ATP7B: variants seen among roughly 807,000 people sequenced by gnomAD.
The protein encoded by ATP7B is copper-transporting ATPase 2.
ATP7B carries 113 observed loss-of-function variants against 118.9 expected under a neutral mutation model. The ratio of observed to expected loss-of-function variants is 0.95; its 90% CI spans 0.82 to 1.11. ATP7B has a LOEUF of 1.11. ATP7B is among the 50% of genes most tolerant of loss of function. The probability of loss-of-function intolerance (pLI) is 0.00; values close to 1 mark genes in which losing one functional copy is unlikely to be tolerated. For synonymous variants in ATP7B, 777 were observed against 727.4 expected (o/e 1.07, Z -1.10); for missense variants, 1,867 against 1,871.4 (o/e 1.00, Z 0.04).
intron 9 of ATP7B, among the ~76,000 whole-genome samples, chr13:51,953,101 T>C (rs905092917): frequency 1.3e-5 from 2 of 152,224 alleles, no homozygotes; most frequent in African/African-American, 4.8e-5. Context: ...TATACCTGTG[T>C]AAATCTGTTT....
chr13:51,957,656 T>C (rs768314641), intron 8 of ATP7B, 49 bp from the exon 9 acceptor site: 1 of 1,561,530 alleles, frequency 6.4e-7, no homozygotes, highest in Non-Finnish European at 8.8e-7. Context: ...AGCAGACCTG[T>C]CCAAACCCAG....
At chr13:51,947,565 T>C (rs1593686006) in intron 12 of ATP7B, among the ~76,000 whole-genome samples, 1 of 152,326 alleles carries the variant, frequency 6.6e-6, no homozygotes, top group Admixed American at 6.5e-5. Context: ...TTAGCTTCCA[T>C]CTACATTTTA....
intron 1 of ATP7B, among the ~76,000 whole-genome samples, chr13:51,998,595 G>C (rs547792799): frequency 6.6e-6 from 1 of 152,156 alleles, no homozygotes; most frequent in South Asian, 2.1e-4. Context: ...GGATTTCCTT[G>C]CACTAGATTA....
Position 51,974,436 on chromosome 13 carries a change from T to G in ATP7B, c.784A>C (p.Arg262=). ...GACTTACAATGCATTCCATCTATTC[T>G]CAGTTGGAGGGTGACCACATGGCTT... ...QGSHVVTLQL[R]IDGMHCKSCV... The change falls in exon 2 of 21, where the codon AGA becomes CGA. Residue 262 remains arginine, a synonymous_variant. Transcript: ENST00000242839. 6.2e-7 allele frequency: 1 copy of G among 1,614,022 alleles called. No individual in the cohort carries two copies. Among genetic ancestry groups the G allele is most frequent in the South Asian group, 1.1e-5 (1 of 91,066 alleles).
chr13:51,956,883 T>A (rs1009609600), intron 9 of ATP7B, among the ~76,000 whole-genome samples: 1 of 152,170 alleles, frequency 6.6e-6, no homozygotes, highest in Non-Finnish European at 1.5e-5. Flanking sequence ...CTGGGTTACA[T>A]CCCAATTCCA....
At chr13:51,960,872 T>C (rs1958691789) in intron 6 of ATP7B, among the ~76,000 whole-genome samples, 1 of 152,172 alleles carries the variant, frequency 6.6e-6, no homozygotes, top group East Asian at 1.9e-4. Flanking sequence ...GGTCTCATGT[T>C]AGCTGCAGCA....
intron 9 of ATP7B, among the ~76,000 whole-genome samples, chr13:51,955,208 G>A (rs992495020): frequency 6.6e-6 from 1 of 152,210 alleles, no homozygotes; most frequent in Non-Finnish European, 1.5e-5. Flanking sequence ...AGGCCCAGAC[G>A]CGGGAGGGCC....
chr13:51,966,662 A>T (rs1320213171), intron 4 of ATP7B: 12 of 1,190,446 alleles, frequency 1.0e-5, no homozygotes, highest in African/African-American at 3.0e-5. Flanking sequence ...TGGTTTTTTT[A>T]AAAAAAGAAC....
intron 1 of ATP7B, among the ~76,000 whole-genome samples, chr13:51,980,121 A>C (rs1165911481): frequency 6.6e-6 from 1 of 152,212 alleles, no homozygotes; most frequent in East Asian, 1.9e-4. Flanking sequence ...GTTTTAAAAA[A>C]CAAACACAGG....
intron 16 of ATP7B, among the ~76,000 whole-genome samples, chr13:51,939,758 A>G (rs909899017): frequency 1.3e-5 from 2 of 152,282 alleles, no homozygotes; most frequent in East Asian, 1.9e-4. Flanking sequence ...AGTTGTGCCA[A>G]TTCTGGTTTG....
chr13:51,977,899 A>G (rs1229337879), intron 1 of ATP7B, among the ~76,000 whole-genome samples: 1 of 152,232 alleles, frequency 6.6e-6, no homozygotes, highest in East Asian at 1.9e-4. Context: ...ATGACTGTAT[A>G]GTAAGGATGA....
intron 7 of ATP7B, 37 bp downstream of exon 7, chr13:51,960,111 A>G: frequency 6.3e-7 from 1 of 1,596,644 alleles, no homozygotes; most frequent in Non-Finnish European, 8.6e-7. Flanking sequence ...CACACACAGC[A>G]TGGAAGGGAG....
intron 1 of ATP7B, 194 bp from the exon 2 acceptor site, chr13:51,975,362 T>C: frequency 1.2e-6 from 1 of 801,154 alleles, no homozygotes; most frequent in Admixed American, 1.7e-5. Flanking sequence ...GACATTCTTC[T>C]CTGACAGAAG....
At chr13:51,935,549 C>T (rs1248815741) in intron 20 of ATP7B, 44 bp downstream of exon 20, 2 of 1,569,210 alleles carry the variant, frequency 1.3e-6, no homozygotes, top group East Asian at 2.3e-5. Context: ...AATGACAAGG[C>T]CTCCTGGGAG....
intron 14 of ATP7B, 106 bp from the exon 15 acceptor site, chr13:51,942,660 A>AAC: frequency 7.2e-7 from 1 of 1,388,594 alleles, no homozygotes. Context: ...GCAAGAGAGC[A>AAC]GCGGAAAGCG....
At chr13:52,010,522 T>A (rs538099048) in intron 1 of ATP7B, among the ~76,000 whole-genome samples, 1 of 152,294 alleles carries the variant, frequency 6.6e-6, no homozygotes, top group South Asian at 2.1e-4. Context: ...TGTGCAGAGG[T>A]TGCACTGAAT....
chr13:51,995,944 T>G (rs2140438389), intron 1 of ATP7B, among the ~76,000 whole-genome samples: 1 of 152,298 alleles, frequency 6.6e-6, no homozygotes, highest in African/African-American at 2.4e-5. Context: ...AGTGCAGCAG[T>G]TTCCTTTTGG....
chr13:51,968,427 G>C lies in ATP7B; in HGVS notation c.1707+17C>G, dbSNP rs199571857. The C allele has an allele frequency of 2.5e-6, 4 of 1,614,000 alleles. No individual in the cohort carries two copies. The African/African-American group carries it at 5.3e-5, about 22-fold the overall frequency. The stretch of plus-strand genomic sequence containing the variant: ...TGTCAGAAGCCTGTAACCCCGTAAC[G>C]CACCCACAGTACTTACTGTCAGCTC... On this transcript the variant is annotated intron_variant, in intron 4 of 20. Coordinates refer to ENST00000242839, the MANE Select transcript of ATP7B (RefSeq NM_000053.4).
At chr13:51,943,360 G>A (rs1957452867) in intron 14 of ATP7B, among the ~76,000 whole-genome samples, 1 of 152,204 alleles carries the variant, frequency 6.6e-6, no homozygotes, top group Admixed American at 6.5e-5. Context: ...GAAGGGTGAG[G>A]TGAGAAAGAG....
Sources: gnomAD v4.1 joint callset for allele counts (sites outside exome capture counted in the v4.1 genomes callset) on GRCh38, gnomAD v4.1.1 for gene constraint, MANE v1.5 for transcripts, NCBI Gene and HGNC (gene_info 2026-07-23, HGNC 2026-07-21) for gene names.